VPS39: variants seen among roughly 807,000 people sequenced by gnomAD.
The protein encoded by VPS39 is VPS39 subunit of HOPS complex.
Under a neutral mutation model 121.0 loss-of-function variants are expected in VPS39, and 70 were observed. The observed-to-expected ratio is 0.58, with a 90% CI of 0.48 to 0.71. VPS39 has a LOEUF of 0.71. Among genes scored for constraint, VPS39 ranks in the 30% least tolerant of loss-of-function variants. The probability of loss-of-function intolerance (pLI) is 0.00; values close to 1 mark genes in which losing one functional copy is unlikely to be tolerated. For synonymous variants in VPS39, 378 were observed against 398.1 expected, an observed-to-expected ratio of 0.95 and a Z score of 0.60; for missense variants, 818 against 1,051.5, an observed-to-expected ratio of 0.78 and a Z score of 3.07.
At chr15:42,169,336 T>G (rs984625326) in intron 12 of VPS39, among the ~76,000 whole-genome samples, 8 of 152,248 alleles carry the variant, frequency 5.3e-5, no homozygotes, top group African/African-American at 1.4e-4. Context: ...GTATTTCTGC[T>G]TTGTACTTTT....
intron 2 of VPS39, among the ~76,000 whole-genome samples, chr15:42,192,941 G>A (rs372726053): frequency 2.6e-5 from 4 of 151,904 alleles, no homozygotes; most frequent in African/African-American, 7.3e-5. Flanking sequence ...CACCATGCCC[G>A]GCTAATTTTT....
chr15:42,163,463 G>A (rs1426058719), intron 20 of VPS39, 68 bp from the exon 21 acceptor site: 5 of 1,592,008 alleles, frequency 3.1e-6, no homozygotes, highest in Non-Finnish European at 4.3e-6. Flanking sequence ...GGCTGTGCGT[G>A]CAGCCTGCTC....
chr15:42,179,613 AT>A (rs2049536417), intron 8 of VPS39, among the ~76,000 whole-genome samples: 1 of 147,272 alleles, frequency 6.8e-6, no homozygotes, highest in Non-Finnish European at 1.5e-5. Flanking sequence ...AAATAAATAA[AT>A]AAATAAATAA....
At chr15:42,189,636 G>A (rs2049779155) in intron 4 of VPS39, among the ~76,000 whole-genome samples, 1 of 148,762 alleles carries the variant, frequency 6.7e-6, no homozygotes, top group South Asian at 2.1e-4. Context: ...GGTTGAAGCA[G>A]GAGAATCCCT....
At chr15:42,201,409 C>T (rs555252372) in intron 1 of VPS39, among the ~76,000 whole-genome samples, 2 of 152,276 alleles carry the variant, frequency 1.3e-5, no homozygotes, top group East Asian at 1.9e-4. Flanking sequence ...AACTCTTGAC[C>T]GCAAGCAATG....
chr15:42,190,491 G>A (rs1038438949), intron 4 of VPS39, among the ~76,000 whole-genome samples: 2 of 152,140 alleles, frequency 1.3e-5, no homozygotes, highest in African/African-American at 4.8e-5. Flanking sequence ...ATGAAACCAT[G>A]GTTTTTCACA....
At chr15:42,193,033 G>A (rs1178382032) in intron 2 of VPS39, among the ~76,000 whole-genome samples, 1 of 152,112 alleles carries the variant, frequency 6.6e-6, no homozygotes, top group Non-Finnish European at 1.5e-5. Flanking sequence ...ACCCACCTCG[G>A]CCTTCCAAAG....
At chr15:42,164,638 T>C (rs2049206309) in intron 18 of VPS39, 152 bp from the exon 19 acceptor site, 8 of 1,443,926 alleles carry the variant, frequency 5.5e-6, no homozygotes, top group Admixed American at 5.6e-5. Context: ...TTTTAGTTCA[T>C]AGTCTCCATG....
intron 10 of VPS39, among the ~76,000 whole-genome samples, chr15:42,174,174 G>A (rs1196026696): frequency 1.3e-5 from 2 of 152,114 alleles, no homozygotes; most frequent in African/African-American, 4.8e-5. Context: ...CTGAACCCAG[G>A]AGGTAGAGGT....
At chr15:42,197,512 C>A (rs938311315) in intron 2 of VPS39, among the ~76,000 whole-genome samples, 4 of 151,988 alleles carry the variant, frequency 2.6e-5, no homozygotes, top group African/African-American at 9.7e-5. Flanking sequence ...AAGATAGCGC[C>A]ACTACACTCC....
intron 6 of VPS39, 115 bp downstream of exon 6, chr15:42,187,643 T>C (rs1044842639): frequency 1.3e-5 from 12 of 944,066 alleles, no homozygotes; most frequent in Admixed American, 5.3e-5. Context: ...CTCATGCACT[T>C]CATACCAGAG....
chr15:42,199,733 G>A (rs940252684), intron 2 of VPS39, 163 bp downstream of exon 2: 1 of 668,268 alleles, frequency 1.5e-6, no homozygotes, highest in African/African-American at 1.9e-5. Flanking sequence ...ATACAATTTG[G>A]AGGAGAAAAA....
Position 42,159,635 on chromosome 15 carries a change from T to C in VPS39, c.*1119A>G, listed in dbSNP as rs936369980. On this transcript the variant is annotated 3_prime_UTR_variant, in exon 25 of 25. Transcript: ENST00000318006. ...ACACTTGGCAGCACGCCATTGTCAGTTCCAGGTCCACTCATCCCCTGCGTG... is the reference window on the plus strand; with the variant it reads ...ACACTTGGCAGCACGCCATTGTCAGCTCCAGGTCCACTCATCCCCTGCGTG... 1 of 152,404 alleles carries C rather than the reference T, an allele frequency of 6.6e-6. No individual in the cohort carries two copies. The highest frequency in any genetic ancestry group is 1.5e-5 in the Non-Finnish European group (1 of 68,188). The allele number at this position is 152,404 out of a possible 1,614,324, so 9.4% of individuals were successfully genotyped here.
At position 42,163,402 on chromosome 15, in the gene VPS39, G is replaced by C. The variant is rs369863408; in HGVS notation, c.2130-7C>G. The C allele has an allele frequency of 2.5e-6, 4 of 1,614,078 alleles. No individual in the cohort carries two copies. Among genetic ancestry groups the C allele is most frequent in the Non-Finnish European group, 3.4e-6 (4 of 1,180,028 alleles). ...ATAGTGTTTGTGGCAGTACCTGCAA[G>C]GGAGAGAGTGGTGAGAGCAGGTGGT... On this transcript the variant is annotated splice_polypyrimidine_tract_variant and splice_region_variant and intron_variant, in intron 20 of 24. Transcript: ENST00000318006.
chr15:42,195,015 A>T (rs2049906982), intron 2 of VPS39, among the ~76,000 whole-genome samples: 1 of 151,994 alleles, frequency 6.6e-6, no homozygotes, highest in Non-Finnish European at 1.5e-5. Flanking sequence ...CTCTGAAAGG[A>T]TCTTGAGGAT....
At chr15:42,162,557 G>T (rs181661987) in intron 21 of VPS39, 76 bp from the exon 22 acceptor site, 2 of 1,467,084 alleles carry the variant, frequency 1.4e-6, no homozygotes, top group Admixed American at 2.4e-5. Context: ...CATGCCTAAC[G>T]ATTCGAGGGG....
In VPS39 at chr15:42,162,364, C is replaced by T. The variant is rs1566888122; in HGVS notation, c.2293G>A (p.Glu765Lys). ...GTGTCCAGTTTGCTGTGGTGTAGCT[C>T]GAGGACCTGCAGAGCGGCCTGGAGG... Reference protein sequence around the residue: ...ANLQAALQVLELHHSKLDTTK... With the variant: ...ANLQAALQVLKLHHSKLDTTK... The change falls in exon 22 of 25, where the codon GAG (glutamate) becomes AAG (lysine). Residue 765 changes from glutamate (E) to lysine (K), a missense_variant. Coordinates refer to ENST00000318006, the MANE Select transcript of VPS39 (RefSeq NM_015289.5). 1.9e-6 allele frequency: 3 copies of T among 1,613,190 alleles called. No individual in the cohort carries two copies. Among genetic ancestry groups the T allele is most frequent in the Non-Finnish European group, 2.5e-6 (3 of 1,179,534 alleles).
At chr15:42,179,502 G>T (rs2140860986) in intron 8 of VPS39, among the ~76,000 whole-genome samples, 1 of 151,062 alleles carries the variant, frequency 6.6e-6, no homozygotes, top group East Asian at 1.9e-4. Context: ...GCGTGAACCT[G>T]GAAGACGGAG....
chr15:42,174,374 A>G (rs1370455382), intron 10 of VPS39, among the ~76,000 whole-genome samples: 1 of 152,224 alleles, frequency 6.6e-6, no homozygotes, highest in Non-Finnish European at 1.5e-5. Context: ...CAGGGTTTCT[A>G]CAAGATGCCT....
Sources: gnomAD v4.1 joint callset for allele counts (sites outside exome capture counted in the v4.1 genomes callset) on GRCh38, gnomAD v4.1.1 for gene constraint, MANE v1.5 for transcripts, NCBI Gene and HGNC (gene_info 2026-07-23, HGNC 2026-07-21) for gene names.